DLL3: variants seen among roughly 807,000 people sequenced by gnomAD.
DLL3 encodes delta like canonical Notch ligand 3.
In DLL3, 49 loss-of-function variants were observed where a neutral mutation model predicts 55.0. That is an observed-to-expected ratio of 0.89 (90% CI 0.71 to 1.13). The LOEUF (loss-of-function observed/expected upper bound fraction) is 1.13. Ranked by LOEUF, DLL3 falls within the 50% of genes most tolerant of loss-of-function variation. The probability of loss-of-function intolerance (pLI) is 0.00; values close to 1 mark genes in which losing one functional copy is unlikely to be tolerated. For missense variants in DLL3, 962 were observed against 875.5 expected (o/e 1.10, Z -1.25); for synonymous variants, 421 against 385.2 (o/e 1.09, Z -1.09).
intron 6 of DLL3, 53 bp from the exon 7 acceptor site, chr19:39,506,986 C>T (rs1260244346): frequency 6.6e-7 from 1 of 1,514,220 alleles, no homozygotes; most frequent in South Asian, 1.2e-5. Context: ...ACAGCGCGGG[C>T]AGGTGGGTCC....
At position 39,500,426 on chromosome 19, in the gene DLL3, C is replaced by T. The variant is rs373295236; in HGVS notation, c.352-189C>T. 0.011 allele frequency among the ~76,000 whole-genome samples: 1,568 copies of T among 144,084 alleles called. 54 individuals are homozygous for T. The highest frequency in any genetic ancestry group is 0.039 in the African/African-American group (1,485 of 37,754). The allele number at this position is 144,084 out of a possible 152,430, so 94.5% of individuals were successfully genotyped here. ...GGTTGACAAAGTGAGATTCTCCCCC[C>T]CCCCCCAAAAAAAAGCCACAGATGT... On this transcript the variant is annotated intron_variant, in intron 2 of 8. Coordinates refer to ENST00000356433, the MANE Select transcript of DLL3 (RefSeq NM_203486.3).
At chr19:39,504,541 G>A (rs1377694557) in intron 5 of DLL3, among the ~76,000 whole-genome samples, 3 of 152,170 alleles carry the variant, frequency 2.0e-5, no homozygotes, top group Non-Finnish European at 4.4e-5. Flanking sequence ...GGAGCCGTGT[G>A]GGGCCACAGC....
intron 6 of DLL3, chr19:39,505,704 C>T (rs2079636680): frequency 1.8e-5 from 9 of 508,118 alleles, no homozygotes; most frequent in Non-Finnish European, 3.6e-6. Context: ...CAGACAAAGT[C>T]CCTGGCCCTG....
chr19:39,502,911 AGCTGC>A lies in DLL3; in HGVS notation c.510_514del (p.Arg171LeufsTer43). On this transcript the variant is annotated frameshift_variant, in exon 4 of 9. Transcript: ENST00000356433. LOFTEE classifies it high-confidence loss of function. ...GACATTCAGCGCGCAGGCGCCTGGGAGCTGCGCTTCTCGTACCGCGCGCGCTGCGA... is the reference window on the plus strand; with the variant it reads ...GACATTCAGCGCGCAGGCGCCTGGGAGCTTCTCGTACCGCGCGCGCTGCGA... The A allele has an allele frequency of 6.9e-7, 1 of 1,447,580 alleles. No homozygotes were observed. Among genetic ancestry groups the A allele is most frequent in the South Asian group, 1.3e-5 (1 of 74,260 alleles). 89.7% of individuals were successfully genotyped at this position (1,447,580 alleles called of 1,614,324 possible).
chr19:39,507,264 A>G lies in DLL3; in HGVS notation c.1319A>G (p.His440Arg), dbSNP rs780000990. The part of the protein sequence containing the change: ...ADPCAARPCA[H>R]GGRCYAHFSG... ...CCGTGCGCCGCGCGCCCCTGTGCTCACGGCGGCCGCTGCTACGCCCACTTC... is the reference window on the plus strand; with the variant it reads ...CCGTGCGCCGCGCGCCCCTGTGCTCGCGGCGGCCGCTGCTACGCCCACTTC... Residue 440 changes from histidine (H) to arginine (R), a missense_variant, in exon 7 of 9, where the codon CAC (histidine) becomes CGC (arginine). Physicochemically the swap from His to Arg is conservative, Grantham distance 29. Coordinates refer to ENST00000356433, the MANE Select transcript of DLL3 (RefSeq NM_203486.3). 2.6e-6 allele frequency: 4 copies of G among 1,529,532 alleles called. No homozygotes were observed. In the South Asian group the frequency reaches 3.6e-5, roughly 14 times the overall value. 94.7% of individuals were successfully genotyped at this position (1,529,532 alleles called of 1,614,324 possible). A position where few individuals can be genotyped will look rare whatever the true frequency, so the allele number is the denominator to read the frequency against.
Position 39,505,547 on chromosome 19 carries a change from C to T in DLL3, c.1093+96C>T, listed in dbSNP as rs2079635674. 4.9e-6 allele frequency: 7 copies of T among 1,416,478 alleles called. No individual in the cohort carries two copies. In the East Asian group the frequency reaches 1.6e-4, roughly 33 times the overall value. 87.7% of individuals were successfully genotyped at this position (1,416,478 alleles called of 1,614,324 possible). ...GAATCCTGGCTTTGACTCTTCTAAC[C>T]CTAGGGCCTGGGGACCTGACCTTCC... On this transcript the variant is annotated intron_variant, in intron 6 of 8. Transcript: ENST00000356433.
chr19:39,507,700 T>C, intron 7 of DLL3, 82 bp downstream of exon 7: 1 of 1,591,776 alleles, frequency 6.3e-7, no homozygotes, highest in East Asian at 2.3e-5. Context: ...CCCGATTCCT[T>C]GATGCATTTC....
Position 39,500,678 on chromosome 19 carries a change from T to C in DLL3, c.409+6T>C, listed in dbSNP as rs995675341. On this transcript the variant is annotated splice_donor_region_variant and intron_variant, in intron 3 of 8. Transcript: ENST00000356433. The stretch of plus-strand genomic sequence containing the variant: ...GTTAGGAGACCAGATTGGAGGTGAG[T>C]GTCTTCAGTCTTGGGACTGGTGGGG... The C allele has an allele frequency of 5.0e-6, 8 of 1,612,644 alleles. No homozygotes were observed. In the Admixed American group the frequency reaches 1.3e-4, roughly 27 times the overall value.
rs1250294109 is a variant in DLL3, at chr19:39,503,059, T to A, written c.652+2T>A. ...TCGAGGACGAATGTGAGGCGCCGCG[T>A]GAGTCCTGCGTTCGACCCCACCCCG... On this transcript the variant is annotated splice_donor_variant, in intron 4 of 8. Transcript: ENST00000356433. LOFTEE classifies it high-confidence loss of function. 1.3e-6 allele frequency: 2 copies of A among 1,522,414 alleles called. No individual in the cohort carries two copies. Among genetic ancestry groups the A allele is most frequent in the African/African-American group, 1.4e-5 (1 of 71,790 alleles). The allele number at this position is 1,522,414 out of a possible 1,614,324, so 94.3% of individuals were successfully genotyped here. A position where few individuals can be genotyped will look rare whatever the true frequency, so the allele number is the denominator to read the frequency against.
chr19:39,507,677 G>T (rs1172263061), intron 7 of DLL3, 59 bp downstream of exon 7: 20 of 1,587,868 alleles, frequency 1.3e-5, no homozygotes, highest in Non-Finnish European at 1.7e-5. Flanking sequence ...ACCCATCTCC[G>T]TGGTGCAGTT....
In DLL3 at chr19:39,505,395, A is replaced by G. The variant is rs374501656; in HGVS notation, c.1037A>G (p.Gln346Arg). The change falls in exon 6 of 9, where the codon CAA (glutamine) becomes CGA (arginine). Residue 346 changes from glutamine to arginine, a missense_variant. Coordinates refer to ENST00000356433, the MANE Select transcript of DLL3 (RefSeq NM_203486.3). ...ATCTGCCACTGCCCACCCGGTTTCC[A>G]AGGCTCCAACTGTGAGAAGAGGGTG... ...AYICHCPPGF[Q>R]GSNCEKRVDR... The G allele has an allele frequency of 1.2e-6, 2 of 1,613,960 alleles. No homozygotes were observed. The highest frequency in any genetic ancestry group is 2.7e-5 in the African/African-American group (2 of 74,896).
At chr19:39,499,655 A>T (rs2079598431) in intron 2 of DLL3, among the ~76,000 whole-genome samples, 182 bp downstream of exon 2, 1 of 152,064 alleles carries the variant, frequency 6.6e-6, no homozygotes, top group Admixed American at 6.5e-5. Context: ...AACTCTACAC[A>T]CTGGGGATTC....
chr19:39,501,350 C>T (rs1167201272), intron 3 of DLL3, among the ~76,000 whole-genome samples: 2 of 150,876 alleles, frequency 1.3e-5, no homozygotes, highest in Admixed American at 6.6e-5. Context: ...CAGGGAGCCC[C>T]GTGGGATGTT....
Position 39,505,236 on chromosome 19 carries a change from C to A in DLL3, c.878C>A (p.Pro293His), listed in dbSNP as rs747538194. The change falls in exon 6 of 9, where the codon CCC becomes CAC. Residue 293 changes from proline to histidine, a missense_variant. Coordinates refer to ENST00000356433, the MANE Select transcript of DLL3 (RefSeq NM_203486.3). ...CANGGSCSET[P>H]RSFECTCPRG... is the part of the protein sequence containing the mutation. ...ACTCTTGTCCCTGCCCAGGAGACAC[C>A]CAGGTCCTTTGAATGCACCTGCCCG... 3.7e-6 allele frequency: 6 copies of A among 1,613,984 alleles called. No individual in the cohort carries two copies. In the South Asian group the frequency reaches 5.5e-5, roughly 15 times the overall value.
intron 2 of DLL3, among the ~76,000 whole-genome samples, chr19:39,499,854 C>CTT (rs1323996801): frequency 2.2e-3 from 185 of 82,494 alleles, no homozygotes; most frequent in East Asian, 0.012. Flanking sequence ...TCTTCTCTCT[C>CTT]TTTTTTTTTT....
chr19:39,502,111 C>T (rs1014572884), intron 3 of DLL3, among the ~76,000 whole-genome samples: 6 of 150,788 alleles, frequency 4.0e-5, no homozygotes, highest in African/African-American at 1.2e-4. Flanking sequence ...GGCGTGAACC[C>T]GGGAGGCGGA....
chr19:39,504,290 T>C lies in DLL3; in HGVS notation c.870+2T>C. On this transcript the variant is annotated splice_donor_variant, in intron 5 of 8. Transcript: ENST00000356433. LOFTEE classifies it high-confidence loss of function. ...TGTGCCAATGGAGGCAGCTGTAGTG[T>C]CAGTGTCACCCTTCCCACCTTGTCC... The C allele has an allele frequency of 6.2e-7, 1 of 1,612,034 alleles. No individual in the cohort carries two copies. The highest frequency in any genetic ancestry group is 1.3e-5 in the African/African-American group (1 of 75,060).
chr19:39,500,784 G>A, intron 3 of DLL3, 112 bp downstream of exon 3: 1 of 953,498 alleles, frequency 1.0e-6, no homozygotes, highest in Non-Finnish European at 1.7e-6. Flanking sequence ...GGGATGTGGT[G>A]CTGAGTGTTG....
rs776036444 is a variant in DLL3, at chr19:39,507,299, G to C, written c.1354G>C (p.Val452Leu). ...GRCYAHFSGL[V>L]CACAPGYMGA... ...CTGCTACGCCCACTTCTCCGGCCTC[G>C]TCTGCGCTTGCGCTCCCGGCTACAT... Residue 452 changes from valine (V) to leucine (L), a missense_variant, in exon 7 of 9, where the codon GTC becomes CTC. Val to Leu is a conservative substitution (Grantham distance 32). Coordinates refer to ENST00000356433, the MANE Select transcript of DLL3 (RefSeq NM_203486.3). 3 of 1,552,622 alleles carry C rather than the reference G, an allele frequency of 1.9e-6. No individual in the cohort carries two copies. Among genetic ancestry groups the C allele is most frequent in the Non-Finnish European group, 2.6e-6 (3 of 1,156,790 alleles).
Sources: gnomAD v4.1 joint callset for allele counts (sites outside exome capture counted in the v4.1 genomes callset) on GRCh38, gnomAD v4.1.1 for gene constraint, MANE v1.5 for transcripts, NCBI Gene and HGNC (gene_info 2026-07-23, HGNC 2026-07-21) for gene names.